Variants in NELL1 observed in about 807,000 individuals in gnomAD.
NELL1 encodes protein kinase C-binding protein NELL1.
NELL1 carries 76 observed loss-of-function variants against 107.4 expected under a neutral mutation model. The ratio of observed to expected loss-of-function variants is 0.71; its 90% CI spans 0.59 to 0.86. The LOEUF (loss-of-function observed/expected upper bound fraction) is 0.86, where lower values mean the gene tolerates loss of function less well. NELL1 is among the 40% of genes least tolerant of loss of function. The pLI is 0.00. For missense variants in NELL1, 1,024 were observed against 1,005.5 expected, an observed-to-expected ratio of 1.02 and a Z score of -0.25; for synonymous variants, 353 against 341.2, an observed-to-expected ratio of 1.03 and a Z score of -0.38.
chr11:20,866,238 C>T (rs1174430947), intron 4 of NELL1, among the ~76,000 whole-genome samples: 2 of 152,162 alleles, frequency 1.3e-5, no homozygotes, highest in African/African-American at 4.8e-5. Flanking sequence ...GCATCCTCAC[C>T]TGCTCCTCAG....
intron 3 of NELL1, among the ~76,000 whole-genome samples, chr11:20,837,183 G>A (rs1848547429): frequency 6.6e-6 from 1 of 152,082 alleles, no homozygotes; most frequent in Non-Finnish European, 1.5e-5. Context: ...GAGGGTATTG[G>A]TTAATGATAT....
At chr11:21,031,601 AAAT>A (rs1344422314) in intron 12 of NELL1, among the ~76,000 whole-genome samples, 1 of 152,222 alleles carries the variant, frequency 6.6e-6, no homozygotes, top group African/African-American at 2.4e-5. Context: ...GAGGCAGTGA[AAAT>A]AATAGCACTT....
chr11:21,484,556 G>A (rs1854578688), intron 15 of NELL1, among the ~76,000 whole-genome samples: 2 of 151,490 alleles, frequency 1.3e-5, no homozygotes, highest in African/African-American at 4.9e-5. Context: ...GTAGGCTTGT[G>A]TTTATGTATG....
chr11:20,674,691 T>C (rs1854006624), intron 1 of NELL1: 1 of 664,040 alleles, frequency 1.5e-6, no homozygotes, highest in Admixed American at 2.5e-5. Context: ...GATCTCAGTT[T>C]AGTGTTGTTT....
chr11:20,889,265 C>T (rs1849569511), intron 5 of NELL1, among the ~76,000 whole-genome samples: 1 of 152,056 alleles, frequency 6.6e-6, no homozygotes, highest in Non-Finnish European at 1.5e-5. Context: ...AAATTTTTCA[C>T]AAAAGGATAA....
At chr11:20,763,915 A>G (rs1001989764) in intron 2 of NELL1, among the ~76,000 whole-genome samples, 3 of 152,204 alleles carry the variant, frequency 2.0e-5, no homozygotes, top group Non-Finnish European at 4.4e-5. Context: ...TCCCAGGTGC[A>G]TAGGGGGCCA....
intron 11 of NELL1, among the ~76,000 whole-genome samples, chr11:20,952,615 T>C (rs1851091214): frequency 6.6e-6 from 1 of 152,096 alleles, no homozygotes; most frequent in Non-Finnish European, 1.5e-5. Context: ...TATTGATAGA[T>C]GAGATCTGAT....
intron 13 of NELL1, among the ~76,000 whole-genome samples, chr11:21,166,836 A>G (rs1856494581): frequency 6.6e-6 from 1 of 151,978 alleles, no homozygotes; most frequent in African/African-American, 2.4e-5. Context: ...CACTAAATGT[A>G]AAAACATGGC....
At chr11:21,026,810 G>A (rs539328919) in intron 12 of NELL1, among the ~76,000 whole-genome samples, 1 of 152,254 alleles carries the variant, frequency 6.6e-6, no homozygotes, top group African/African-American at 2.4e-5. Flanking sequence ...AGAAACATGA[G>A]CTTGAGAGAT....
intron 13 of NELL1, among the ~76,000 whole-genome samples, chr11:21,201,968 G>T (rs1857279780): frequency 6.6e-6 from 1 of 152,190 alleles, no homozygotes; most frequent in Non-Finnish European, 1.5e-5. Context: ...TGTATCCCAG[G>T]GGTGAAGCCG....
chr11:20,844,302 C>A (rs1172720589), intron 3 of NELL1, among the ~76,000 whole-genome samples: 1 of 152,058 alleles, frequency 6.6e-6, no homozygotes, highest in Non-Finnish European at 1.5e-5. Context: ...AAGGAAGGAG[C>A]CAGGGAAGCT....
At chr11:21,013,581 T>C (rs4923259) in intron 12 of NELL1, among the ~76,000 whole-genome samples, 10,218 of 152,166 alleles carry the variant, frequency 0.067, 415 homozygotes, top group Middle Eastern at 0.13. Context: ...TTCCCCTCTT[T>C]CTCTCTTTTT....
intron 3 of NELL1, among the ~76,000 whole-genome samples, chr11:20,789,605 T>C (rs1369786920): frequency 6.6e-6 from 1 of 152,232 alleles, no homozygotes; most frequent in African/African-American, 2.4e-5. Context: ...TGTTACATCT[T>C]TTTTAGCCTC....
chr11:20,710,231 G>T (rs1590224531), intron 2 of NELL1, among the ~76,000 whole-genome samples: 1 of 152,108 alleles, frequency 6.6e-6, no homozygotes, highest in Non-Finnish European at 1.5e-5. Flanking sequence ...TCCCTTCTAT[G>T]CCAGTTTCGC....
chr11:21,486,467 T>G (rs1590969805), intron 15 of NELL1, among the ~76,000 whole-genome samples: 6 of 152,226 alleles, frequency 3.9e-5, no homozygotes, highest in Admixed American at 3.9e-4. Context: ...ATCTACATCT[T>G]CAGCAAAAAG....
intron 12 of NELL1, among the ~76,000 whole-genome samples, chr11:21,046,491 C>G (rs1156952138): frequency 1.3e-5 from 2 of 151,994 alleles, no homozygotes; most frequent in Non-Finnish European, 1.5e-5. Context: ...GCAAGACCTT[C>G]GTTTATATCA....
chr11:20,736,072 G>A (rs1184010795), intron 2 of NELL1, among the ~76,000 whole-genome samples: 19 of 152,124 alleles, frequency 1.2e-4, no homozygotes, highest in Admixed American at 1.2e-3. Flanking sequence ...GATTTATGAG[G>A]TTAGTATACT....
chr11:21,506,745 G>A (rs1855289682), intron 15 of NELL1, among the ~76,000 whole-genome samples: 1 of 152,174 alleles, frequency 6.6e-6, no homozygotes. Context: ...TAATGTGTCT[G>A]AGCATATGAC....
At chr11:21,014,022 A>G (rs757460603) in intron 12 of NELL1, among the ~76,000 whole-genome samples, 2 of 151,942 alleles carry the variant, frequency 1.3e-5, no homozygotes, top group Non-Finnish European at 2.9e-5. Flanking sequence ...ATTGATATTT[A>G]TTTTACACTT....
Sources: allele counts gnomAD v4.1 joint callset (sites outside exome capture counted in the v4.1 genomes callset), GRCh38; gene constraint gnomAD v4.1.1; transcripts MANE v1.5; gene names NCBI Gene and HGNC (gene_info 2026-07-23, HGNC 2026-07-21).